The following PRDM9 variants were observed in gnomAD, a reference collection of about 807,000 sequenced individuals.
The protein encoded by PRDM9 is PR/SET domain 9.
PRDM9 carries 47 observed loss-of-function variants against 55.6 expected under a neutral mutation model. That is an observed-to-expected ratio of 0.85 (90% CI 0.67 to 1.08). The LOEUF is 1.08. Among genes scored for constraint, PRDM9 ranks in the 50% least tolerant of loss-of-function variants. The probability of loss-of-function intolerance (pLI) is 0.00; values close to 1 mark genes in which losing one functional copy is unlikely to be tolerated. For missense variants in PRDM9, 867 were observed against 1,040.3 expected (o/e 0.83, Z 2.29); for synonymous variants, 312 against 375.7 (o/e 0.83, Z 1.96).
intron 1 of PRDM9, 74 bp from the exon 2 acceptor site, chr5:23,508,876 A>T: frequency 1.2e-6 from 1 of 817,740 alleles, no homozygotes; most frequent in Non-Finnish European, 2.0e-6. Flanking sequence ...ACCCAGCCAG[A>T]TGGAGAAGAC....
intron 9 of PRDM9, 38 bp from the exon 10 acceptor site, chr5:23,524,296 C>T (rs1396581642): frequency 1.9e-6 from 3 of 1,606,034 alleles, no homozygotes; most frequent in East Asian, 4.5e-5. Flanking sequence ...TGGGAACTCA[C>T]TGCCTCTTTT....
chr5:23,524,662 T>G, intron 10 of PRDM9, 135 bp downstream of exon 10: 1 of 1,270,938 alleles, frequency 7.9e-7, no homozygotes. Context: ...CTTCCAAAAT[T>G]AAACATTCAT....
intron 5 of PRDM9, among the ~76,000 whole-genome samples, chr5:23,520,666 T>C (rs572435070): frequency 6.6e-6 from 1 of 152,228 alleles, no homozygotes; most frequent in African/African-American, 2.4e-5. Flanking sequence ...CATTTCCCCT[T>C]CTATCAAAAG....
intron 4 of PRDM9, among the ~76,000 whole-genome samples, chr5:23,512,618 AT>A (rs974395495): frequency 6.6e-6 from 1 of 152,102 alleles, no homozygotes; most frequent in Non-Finnish European, 1.5e-5. Flanking sequence ...AAGTTAATTT[AT>A]TTTTTACTGT....
In PRDM9 at chr5:23,521,033, A is replaced by C. The variant is rs1739316676; in HGVS notation, c.362A>C (p.Lys121Thr). The C allele has an allele frequency of 1.2e-6, 2 of 1,614,026 alleles. No individual in the cohort carries two copies. The highest frequency in any genetic ancestry group is 1.7e-5 in the Admixed American group (1 of 60,012). Residue 121 changes from lysine to threonine, a missense_variant, in exon 6 of 11, where the codon AAG (lysine) becomes ACG (threonine). By Grantham distance (78) the Lys-to-Thr change is moderately conservative. Transcript: ENST00000296682. ...ACTCTCACATTAAAGGGAATGCCCA[A>C]GGCGTCATTCAGTAATGAATCTAGT... Reference protein sequence around the residue: ...EQRKHQKGMPKASFSNESSLK... With the variant: ...EQRKHQKGMPTASFSNESSLK...
At position 23,509,903 on chromosome 5, in the gene PRDM9, T is replaced by C; in HGVS notation, c.194-17T>C. ...CCAGCTCTTCCATTTTAGAACAAAATTTTTGCTTCTTTTCAGGTCTCAGAG... is the reference window on the plus strand; with the variant it reads ...CCAGCTCTTCCATTTTAGAACAAAACTTTTGCTTCTTTTCAGGTCTCAGAG... On this transcript the variant is annotated splice_polypyrimidine_tract_variant and intron_variant, in intron 3 of 10. Transcript: ENST00000296682. 1.9e-6 allele frequency: 3 copies of C among 1,613,880 alleles called. No individual in the cohort carries two copies. Among genetic ancestry groups the C allele is most frequent in the Non-Finnish European group, 2.5e-6 (3 of 1,179,906 alleles).
chr5:23,522,398 T>C lies in PRDM9; in HGVS notation c.603T>C (p.Asp201=), dbSNP rs1332524635. The change falls in exon 7 of 11, where the codon GAT becomes GAC. Residue 201 remains aspartate (D), a synonymous_variant. Coordinates refer to ENST00000296682, the MANE Select transcript of PRDM9 (RefSeq NM_020227.4). ...AGGTCAGCGAGCCGCAGGATGATGA[T>C]TACCTCTGTAAGTGACACTTTTGGC... ...YKEVSEPQDD[D]YLYCEMCQNF... is the part of the protein sequence containing the mutation. The C allele has an allele frequency of 1.9e-6, 3 of 1,613,578 alleles. No individual in the cohort carries two copies. Among genetic ancestry groups the C allele is most frequent in the Admixed American group, 1.7e-5 (1 of 60,010 alleles).
chr5:23,508,422 G>A (rs1739025550), intron 1 of PRDM9, among the ~76,000 whole-genome samples: 1 of 152,062 alleles, frequency 6.6e-6, no homozygotes, highest in African/African-American at 2.4e-5. Context: ...AATCCCCTCA[G>A]CCTGAGGGAC....
At chr5:23,515,809 T>A (rs1424458702) in intron 4 of PRDM9, among the ~76,000 whole-genome samples, 3 of 152,232 alleles carry the variant, frequency 2.0e-5, no homozygotes, top group Non-Finnish European at 4.4e-5. Flanking sequence ...TTGCTGAAGA[T>A]CATTTGACCG....
chr5:23,514,695 G>A (rs898312632), intron 4 of PRDM9, among the ~76,000 whole-genome samples: 6 of 151,776 alleles, frequency 4.0e-5, no homozygotes, highest in African/African-American at 7.3e-5. Flanking sequence ...CCACCTCCTC[G>A]GCCTCCCAAA....
chr5:23,520,669 A>G (rs1310438870), intron 5 of PRDM9, among the ~76,000 whole-genome samples: 2 of 151,970 alleles, frequency 1.3e-5, no homozygotes, highest in Admixed American at 6.6e-5. Context: ...TTCCCCTTCT[A>G]TCAAAAGTCT....
At chr5:23,514,015 C>T (rs185769056) in intron 4 of PRDM9, among the ~76,000 whole-genome samples, 5 of 152,340 alleles carry the variant, frequency 3.3e-5, no homozygotes, top group East Asian at 1.9e-4. Flanking sequence ...CGCATCTTCG[C>T]CAACACTTGC....
intron 4 of PRDM9, among the ~76,000 whole-genome samples, chr5:23,515,682 A>AT (rs1489334761): frequency 6.6e-6 from 1 of 152,062 alleles, no homozygotes; most frequent in East Asian, 1.9e-4. Flanking sequence ...TTTTGAGTTA[A>AT]TTTTTATATG....
At chr5:23,507,530 G>A (rs1185003519), upstream of PRDM9, 1 of 152,294 alleles carries the variant, frequency 6.6e-6, no homozygotes, top group Non-Finnish European at 1.5e-5. Flanking sequence ...GCTGAATGGC[G>A]GGCTCGCCTT....
chr5:23,515,803 T>G (rs1739198862), intron 4 of PRDM9, among the ~76,000 whole-genome samples: 1 of 152,170 alleles, frequency 6.6e-6, no homozygotes, highest in Non-Finnish European at 1.5e-5. Context: ...GCATCCTTGC[T>G]GAAGATCATT....
At chr5:23,510,289 G>A (rs566988863) in intron 4 of PRDM9, among the ~76,000 whole-genome samples, 51 of 151,926 alleles carry the variant, frequency 3.4e-4, no homozygotes, top group Non-Finnish European at 4.3e-4. Flanking sequence ...TCGAACTCCC[G>A]ACCTCAGGTG....
intron 4 of PRDM9, among the ~76,000 whole-genome samples, chr5:23,512,311 A>C (rs1739114582): frequency 6.6e-6 from 1 of 152,156 alleles, no homozygotes; most frequent in Admixed American, 6.5e-5. Context: ...CATAATTATA[A>C]AATAGAAGTG....
At chr5:23,523,484 A>G (rs1739374776) in intron 9 of PRDM9, 126 bp downstream of exon 9, 12 of 941,928 alleles carry the variant, frequency 1.3e-5, no homozygotes, top group Non-Finnish European at 2.0e-5. Context: ...TCTCCATACA[A>G]TGCTGTTTTA....
chr5:23,514,558 C>T (rs779692583), intron 4 of PRDM9, among the ~76,000 whole-genome samples: 2 of 151,898 alleles, frequency 1.3e-5, no homozygotes, highest in Non-Finnish European at 2.9e-5. Context: ...AAGCAATTCT[C>T]CTGCCTCAGC....
Sources: gnomAD v4.1 joint callset for allele counts (sites outside exome capture counted in the v4.1 genomes callset) on GRCh38, gnomAD v4.1.1 for gene constraint, MANE v1.5 for transcripts, NCBI Gene and HGNC (gene_info 2026-07-23, HGNC 2026-07-21) for gene names.